The following ADAM19 variants were observed in gnomAD, a reference collection of about 807,000 sequenced individuals.
ADAM19 encodes ADAM metallopeptidase domain 19.
Under a neutral mutation model 114.7 loss-of-function variants are expected in ADAM19, and 65 were observed. That is an observed-to-expected ratio of 0.57 (90% CI 0.46 to 0.70). The LOEUF (loss-of-function observed/expected upper bound fraction) is 0.70. Among genes scored for constraint, ADAM19 ranks in the 30% least tolerant of loss-of-function variants. ADAM19 has a pLI of 0.00. For missense variants in ADAM19, 1,063 were observed against 1,204.7 expected, an observed-to-expected ratio of 0.88 and a Z score of 1.74; for synonymous variants, 466 against 460.5, an observed-to-expected ratio of 1.01 and a Z score of -0.15.
chr5:157,548,425 A>G lies in ADAM19; in HGVS notation c.252-10434T>C, dbSNP rs78906893. ...CTCACAATATTTGTTTAATGAAGGA[A>G]GAGAAGAAAGGAATAACATAAATTA... On this transcript the variant is annotated intron_variant, in intron 3 of 22. Transcript: ENST00000257527. Among the ~76,000 whole-genome samples, 82 of 152,344 alleles carry G rather than the reference A, an allele frequency of 5.4e-4. No homozygotes were observed. In the East Asian group the frequency reaches 0.013, roughly 25 times the overall value.
At chr5:157,518,557 T>G (rs774848790) in intron 7 of ADAM19, among the ~76,000 whole-genome samples, 2 of 152,168 alleles carry the variant, frequency 1.3e-5, no homozygotes, top group Non-Finnish European at 2.9e-5. Context: ...GCTAATTTTG[T>G]ATTTTTAGTA....
Position 157,480,511 on chromosome 5 carries a change from C to T in ADAM19, c.*438G>A. 3 of 999,914 alleles carry T rather than the reference C, an allele frequency of 3.0e-6. No homozygotes were observed. The highest frequency in any genetic ancestry group is 3.6e-6 in the Non-Finnish European group (3 of 839,084). 61.9% of individuals were successfully genotyped at this position (999,914 alleles called of 1,614,324 possible). ...TGGGTAAGTACCAGCCTCCATCCAG[C>T]CCGGGACCTCTGAGGAGAGCAGAAG... On this transcript the variant is annotated 3_prime_UTR_variant, in exon 23 of 23. Coordinates refer to ENST00000257527, the MANE Select transcript of ADAM19 (RefSeq NM_033274.5).
intron 5 of ADAM19, among the ~76,000 whole-genome samples, chr5:157,525,400 C>G (rs7721142): frequency 0.31 from 46,991 of 152,028 alleles, 8,011 homozygotes; most frequent in African/African-American, 0.45. Flanking sequence ...ACTTCCAACA[C>G]AGAAGGAAGC....
chr5:157,496,597 G>T lies in ADAM19; in HGVS notation c.1594+297C>A, dbSNP rs11466780. Among the ~76,000 whole-genome samples the T allele has an allele frequency of 9.8e-3, 1,488 of 152,120 alleles. 31 individuals are homozygous for T. Among genetic ancestry groups the T allele is most frequent in the African/African-American group, 0.033 (1,386 of 41,500 alleles). On this transcript the variant is annotated intron_variant, in intron 14 of 22. Transcript: ENST00000257527. ...TCCCTTAATATGACTGAGATTAAAC[G>T]TCTTTTCATAGCTTAAGGGCCATTT...
intron 4 of ADAM19, among the ~76,000 whole-genome samples, chr5:157,536,193 G>A (rs939425902): frequency 3.3e-5 from 5 of 152,154 alleles, no homozygotes; most frequent in Non-Finnish European, 7.3e-5. Context: ...TATGCGCCAC[G>A]TCTCTTGGAT....
intron 2 of ADAM19, among the ~76,000 whole-genome samples, chr5:157,567,807 A>T (rs114912544): frequency 0.02 from 3,052 of 152,028 alleles, 51 homozygotes; most frequent in Non-Finnish European, 0.033. Flanking sequence ...AAACAAAAAA[A>T]AAAAATAAAA....
chr5:157,513,683 T>C (rs1476805620), intron 7 of ADAM19, among the ~76,000 whole-genome samples, 178 bp from the exon 8 acceptor site: 5 of 152,200 alleles, frequency 3.3e-5, no homozygotes, highest in Admixed American at 3.3e-4. Context: ...CCTGTCAACA[T>C]CCATCTTCAT....
intron 5 of ADAM19, among the ~76,000 whole-genome samples, chr5:157,524,947 C>T (rs1229854865): frequency 6.6e-6 from 1 of 152,242 alleles, no homozygotes; most frequent in Non-Finnish European, 1.5e-5. Flanking sequence ...CACATCTGTA[C>T]TGAGAACCCA....
chr5:157,529,571 G>A (rs1756568262), intron 5 of ADAM19, among the ~76,000 whole-genome samples: 1 of 152,192 alleles, frequency 6.6e-6, no homozygotes, highest in Non-Finnish European at 1.5e-5. Context: ...CGTGGAACCT[G>A]AGATGCTGCA....
At chr5:157,501,763 C>T (rs1755569174) in intron 12 of ADAM19, among the ~76,000 whole-genome samples, 1 of 151,170 alleles carries the variant, frequency 6.6e-6, no homozygotes, top group South Asian at 2.1e-4. Context: ...TCACAGAGGT[C>T]ACAGGCAGGG....
chr5:157,533,785 C>T (rs1362830039), intron 4 of ADAM19, among the ~76,000 whole-genome samples: 2 of 152,058 alleles, frequency 1.3e-5, no homozygotes, highest in Admixed American at 6.5e-5. Flanking sequence ...GCCAACAACA[C>T]GGTGAAACCC....
intron 3 of ADAM19, among the ~76,000 whole-genome samples, chr5:157,542,607 T>C (rs1756945578): frequency 6.6e-6 from 1 of 152,078 alleles, no homozygotes; most frequent in Non-Finnish European, 1.5e-5. Flanking sequence ...GGCCAGGAGT[T>C]CCAGACCAGC....
At chr5:157,544,891 G>T (rs971017348) in intron 3 of ADAM19, among the ~76,000 whole-genome samples, 1 of 152,100 alleles carries the variant, frequency 6.6e-6, no homozygotes, top group Non-Finnish European at 1.5e-5. Context: ...ATGTAAGAGG[G>T]TATGAGGAAA....
At chr5:157,537,794 G>A (rs897565676) in intron 4 of ADAM19, 119 bp downstream of exon 4, 7 of 858,150 alleles carry the variant, frequency 8.2e-6, no homozygotes, top group Middle Eastern at 2.7e-4. Flanking sequence ...CTTGGTCTTC[G>A]CTTGGGGGAA....
At chr5:157,525,641 C>A (rs1756431379) in intron 5 of ADAM19, among the ~76,000 whole-genome samples, 2 of 152,150 alleles carry the variant, frequency 1.3e-5, no homozygotes, top group South Asian at 2.1e-4. Flanking sequence ...TGTGGAGGGA[C>A]CAGCCTGGCC....
At chr5:157,492,465 A>G (rs1238732994) in intron 16 of ADAM19, among the ~76,000 whole-genome samples, 2 of 152,250 alleles carry the variant, frequency 1.3e-5, no homozygotes, top group Non-Finnish European at 2.9e-5. Flanking sequence ...ATCATATTTA[A>G]CAATACAATA....
chr5:157,575,349 G>C (rs1757942905), intron 1 of ADAM19, among the ~76,000 whole-genome samples: 2 of 152,194 alleles, frequency 1.3e-5, no homozygotes, highest in South Asian at 4.1e-4. Context: ...GGAAGGAGAA[G>C]GCGAGAAGGG....
In ADAM19 at chr5:157,513,460, T is replaced by C. The variant is rs1581317267; in HGVS notation, c.712A>G (p.Ile238Val). 1.2e-6 allele frequency: 2 copies of C among 1,606,954 alleles called. No homozygotes were observed. Among genetic ancestry groups the C allele is most frequent in the Non-Finnish European group, 1.7e-6 (2 of 1,173,952 alleles). Reference protein sequence around the residue: ...RDQDATKHKLIEIANYVDKFY... With the variant: ...RDQDATKHKLVEIANYVDKFY... The stretch of plus-strand genomic sequence containing the variant: ...TTATCAACATAGTTGGCGATCTCTA[T>C]GAGCTTGTGTTTGGTGGCGTCCTGG... The change falls in exon 8 of 23, where the codon ATA (isoleucine) becomes GTA (valine). Residue 238 changes from isoleucine (I) to valine (V), a missense_variant. This residue lies in a region of ADAM19 where 615 missense variants were observed against 706.3 expected (regional missense o/e 0.87). Transcript: ENST00000257527.
At chr5:157,535,236 G>T (rs1428451815) in intron 4 of ADAM19, among the ~76,000 whole-genome samples, 1 of 152,218 alleles carries the variant, frequency 6.6e-6, no homozygotes, top group Non-Finnish European at 1.5e-5. Flanking sequence ...GCTGCAGATT[G>T]CAAACCCTGT....
Sources: allele counts gnomAD v4.1 joint callset (sites outside exome capture counted in the v4.1 genomes callset), GRCh38; gene constraint gnomAD v4.1.1; regional missense constraint gnomAD v4.1.1; transcripts MANE v1.5; gene names NCBI Gene and HGNC (gene_info 2026-07-23, HGNC 2026-07-21).